The following MOK variants were observed in gnomAD, a reference collection of about 807,000 sequenced individuals.
MOK encodes the protein MAPK/MAK/MRK overlapping kinase.
Under a neutral mutation model 54.2 loss-of-function variants are expected in MOK, and 59 were observed. The observed-to-expected ratio is 1.09, with a 90% CI of 0.88 to 1.35. The LOEUF (loss-of-function observed/expected upper bound fraction) is 1.35, where lower values mean the gene tolerates loss of function less well. Among genes scored for constraint, MOK ranks in the 40% most tolerant of loss-of-function variants. The probability of loss-of-function intolerance (pLI) is 0.00; values close to 1 mark genes in which losing one functional copy is unlikely to be tolerated. For missense variants in MOK, 517 were observed against 526.2 expected (o/e 0.98, Z 0.17); for synonymous variants, 210 against 202.7 (o/e 1.04, Z -0.31).
intron 2 of MOK, among the ~76,000 whole-genome samples, chr14:102,268,775 G>A (rs2068112857): frequency 1.3e-5 from 2 of 152,024 alleles, no homozygotes; most frequent in African/African-American, 4.8e-5. Context: ...AATTAGCCGG[G>A]ATGGTGGCGG....
intron 1 of MOK, among the ~76,000 whole-genome samples, chr14:102,293,701 C>CAAAAAAAAAAAAAAAAAAAAA (rs10598736): frequency 3.5e-4 from 19 of 54,604 alleles, no homozygotes; most frequent in East Asian, 9.7e-4. Flanking sequence ...AACTCCATCA[C>CAAAAAAAAAAAAAAAAAAAAA]AAAAAAAAAA....
intron 1 of MOK, among the ~76,000 whole-genome samples, chr14:102,285,140 T>C (rs1409148741): frequency 6.6e-6 from 1 of 151,266 alleles, no homozygotes; most frequent in Non-Finnish European, 1.5e-5. Context: ...AAGAGAACCT[T>C]GGGTGTGGAA....
downstream of MOK, chr14:102,226,476 G>T (rs77698399): frequency 2.9e-3 from 2,021 of 701,316 alleles, 46 homozygotes; most frequent in African/African-American, 0.031. This position sits in a 1 kb window ranked among gnomAD's most constrained non-coding sequence, Gnocchi z 4.8. Flanking sequence ...GCCAGCCAGG[G>T]TTCACGAGCT....
In MOK at chr14:102,286,224, A is replaced by G. The variant is rs1430126451; in HGVS notation, c.8-2632T>C. ...TGAGGCAGGAGAATGGCGTGAACCC[A>G]GGAGGCGGAGCCTGCAGTGAGCCGA... On this transcript the variant is annotated intron_variant, in intron 1 of 11. Coordinates refer to ENST00000361847, the MANE Select transcript of MOK (RefSeq NM_014226.3). Among the ~76,000 whole-genome samples the G allele has an allele frequency of 4.7e-3, 672 of 142,738 alleles. 6 individuals are homozygous for G. Among genetic ancestry groups the G allele is most frequent in the African/African-American group, 0.016 (622 of 37,850 alleles). 93.6% of individuals were successfully genotyped at this position (142,738 alleles called of 152,430 possible).
At chr14:102,251,420 T>C (rs1196454326) in intron 6 of MOK, 10 of 421,586 alleles carry the variant, frequency 2.4e-5, no homozygotes, top group Non-Finnish European at 1.3e-5. Context: ...ACAGGTAGTT[T>C]AGTGGCTTGG....
At position 102,293,149 on chromosome 14, in the gene MOK, T is replaced by C. The variant is rs141200007; in HGVS notation, c.8-9557A>G. On this transcript the variant is annotated intron_variant, in intron 1 of 11. Transcript: ENST00000361847. ...TTCCATCTCAAAAACAAAAAACAAA[T>C]GAACAAACAAAAAACTTCATAAACA... 4.7e-3 allele frequency among the ~76,000 whole-genome samples: 706 copies of C among 151,782 alleles called. 6 individuals are homozygous for C. The highest frequency in any genetic ancestry group is 0.016 in the African/African-American group (653 of 41,382).
chr14:102,293,120 T>A (rs2070954260), intron 1 of MOK, among the ~76,000 whole-genome samples: 1 of 151,992 alleles, frequency 6.6e-6, no homozygotes, highest in South Asian at 2.1e-4. Context: ...GTGACAGAGC[T>A]AGATTCCATC....
chr14:102,279,806 C>CTAA (rs1597511297), intron 2 of MOK, among the ~76,000 whole-genome samples: 1 of 152,112 alleles, frequency 6.6e-6, no homozygotes, highest in East Asian at 1.9e-4. Flanking sequence ...TGCCACAGTA[C>CTAA]TAATCCATTA....
intron 1 of MOK, among the ~76,000 whole-genome samples, chr14:102,290,205 C>G (rs549812010): frequency 4.0e-5 from 6 of 151,068 alleles, no homozygotes; most frequent in Non-Finnish European, 8.8e-5. Flanking sequence ...TTTGGAAGGC[C>G]GAGGTGGGCA....
chr14:102,216,796 G>C, the MOK span, among the ~76,000 whole-genome samples: 2 of 152,142 alleles, frequency 1.3e-5, no homozygotes, highest in Non-Finnish European at 2.9e-5. Flanking sequence ...CGGGCGTGGT[G>C]GCGGGCGCCT....
At chr14:102,227,036 A>AG (rs2064279098), downstream of MOK, among the ~76,000 whole-genome samples, 1 of 152,068 alleles carries the variant, frequency 6.6e-6, no homozygotes, top group Non-Finnish European at 1.5e-5. Context: ...TTGCCTCCAG[A>AG]GGGCCCCCAG....
Position 102,265,879 on chromosome 14 carries a change from TTG to T in MOK, c.154_155del (p.Gln52SerfsTer16), listed in dbSNP as rs758343393. ...GGTGCGGATTCAGGCGCCTCAGTGC[TTG>T]GATCTCTCGTAGGTTGTTGACTTGC... is the stretch of plus-strand genomic sequence containing the variant. ...IEQVNNLREI[Q>X]ALRRLNPHPN... is the part of the protein sequence containing the mutation. On this transcript the variant is annotated frameshift_variant, in exon 3 of 12. Transcript: ENST00000361847. LOFTEE classifies it high-confidence loss of function. The T allele has an allele frequency of 6.2e-7, 1 of 1,614,072 alleles. No individual in the cohort carries two copies. Among genetic ancestry groups the T allele is most frequent in the Non-Finnish European group, 8.5e-7 (1 of 1,179,930 alleles).
At chr14:102,303,520 A>G (rs1434651586) in intron 1 of MOK, among the ~76,000 whole-genome samples, 1 of 152,250 alleles carries the variant, frequency 6.6e-6, no homozygotes, top group Non-Finnish European at 1.5e-5. Context: ...ACAACAGAAT[A>G]CAATTGGTGA....
At chr14:102,221,394 T>C (rs2063878726), downstream of MOK, among the ~76,000 whole-genome samples, 3 of 152,240 alleles carry the variant, frequency 2.0e-5, no homozygotes, top group South Asian at 2.1e-4. This position sits in a 1 kb window ranked among gnomAD's most constrained non-coding sequence, Gnocchi z 4.8. Flanking sequence ...GAAGGCAGAG[T>C]GTCCTGTGTG....
At chr14:102,233,613 C>A (rs946770657) in intron 8 of MOK, 75 bp downstream of exon 8, 5 of 1,337,412 alleles carry the variant, frequency 3.7e-6, no homozygotes, top group African/African-American at 1.4e-5. Flanking sequence ...GAGGGAGGCA[C>A]AGGGAGGGGC....
chr14:102,279,929 G>C (rs2069243962), intron 2 of MOK, among the ~76,000 whole-genome samples: 1 of 152,012 alleles, frequency 6.6e-6, no homozygotes, highest in Non-Finnish European at 1.5e-5. Context: ...ACTGGAGGGG[G>C]TAGGGGTCAG....
At position 102,305,117 on chromosome 14, in the gene MOK, T is replaced by G; in HGVS notation, c.-149A>C. 3.2e-6 allele frequency: 3 copies of G among 928,682 alleles called. No homozygotes were observed. Among genetic ancestry groups the G allele is most frequent in the Admixed American group, 2.1e-5 (1 of 47,988 alleles). 57.5% of individuals were successfully genotyped at this position (928,682 alleles called of 1,614,324 possible). A position where few individuals can be genotyped will look rare whatever the true frequency, so the allele number is the denominator to read the frequency against. ...GTCCCTCGAAGGAGAGCGTTAGAGA[T>G]CCCGCCGCCATGTTGTGTCCCTGTC... On this transcript the variant is annotated 5_prime_UTR_variant, in exon 1 of 12. Transcript: ENST00000361847.
chr14:102,278,381 TA>T (rs71305084), intron 2 of MOK, among the ~76,000 whole-genome samples: 2,055 of 132,346 alleles, frequency 0.016, 13 homozygotes, highest in African/African-American at 0.03. Context: ...TACTTTTAAG[TA>T]AAAAAAAAAA....
downstream of MOK, chr14:102,223,427 G>A (rs1027764663): frequency 1.3e-5 from 2 of 152,686 alleles, no homozygotes; most frequent in Non-Finnish European, 2.9e-5. Context: ...CTGGTGGAAA[G>A]TTACTTTGCA....
Sources: gnomAD v4.1 joint callset for allele counts (sites outside exome capture counted in the v4.1 genomes callset) on GRCh38, gnomAD v4.1.1 for gene constraint, Gnocchi (gnomAD v3.1) non-coding constraint, MANE v1.5 for transcripts, NCBI Gene and HGNC (gene_info 2026-07-23, HGNC 2026-07-21) for gene names.